Variants in ALDH2 observed in about 807,000 individuals in gnomAD.
ALDH2 encodes aldehyde dehydrogenase 2 family member, also known as aldehyde dehydrogenase, mitochondrial.
A neutral mutation model predicts 59.6 loss-of-function variants in ALDH2; 44 were observed. The ratio of observed to expected loss-of-function variants is 0.74; its 90% CI spans 0.58 to 0.95. The LOEUF is 0.95. Among genes scored for constraint, ALDH2 ranks in the 40% least tolerant of loss-of-function variants. The pLI, the probability that ALDH2 is intolerant of heterozygous loss-of-function variation, is 0.00. For synonymous variants in ALDH2, 291 were observed against 284.0 expected, an observed-to-expected ratio of 1.02 and a Z score of -0.25; for missense variants, 570 against 696.3, an observed-to-expected ratio of 0.82 and a Z score of 2.04.
intron 4 of ALDH2, among the ~76,000 whole-genome samples, chr12:111,786,085 A>C (rs918505826): frequency 3.9e-5 from 6 of 152,164 alleles, no homozygotes; most frequent in Non-Finnish European, 8.8e-5. Context: ...AAATGTTTTC[A>C]AAGAACCAAA....
chr12:111,777,930 C>T (rs964289189), intron 1 of ALDH2, among the ~76,000 whole-genome samples: 1 of 152,160 alleles, frequency 6.6e-6, no homozygotes. Context: ...TAATGTTTAC[C>T]CATGTTCTTC....
chr12:111,795,532 C>T (rs745467357), intron 9 of ALDH2, among the ~76,000 whole-genome samples: 3 of 151,718 alleles, frequency 2.0e-5, no homozygotes, highest in Non-Finnish European at 4.4e-5. Context: ...ATCCACCTGC[C>T]TCAGCCTCCC....
intron 2 of ALDH2, among the ~76,000 whole-genome samples, chr12:111,782,739 C>T (rs1267272943): frequency 6.6e-6 from 1 of 152,006 alleles, no homozygotes; most frequent in Non-Finnish European, 1.5e-5. Context: ...AGAAATTAGC[C>T]AGGTGTGGTG....
chr12:111,791,998 A>C, intron 7 of ALDH2, 63 bp from the exon 8 acceptor site: 1 of 1,021,068 alleles, frequency 9.8e-7, no homozygotes, highest in Non-Finnish European at 1.5e-6. Context: ...TTCTGTGTCT[A>C]TAGAGTGCTG....
At chr12:111,802,730 T>C (rs1325523636) in intron 11 of ALDH2, among the ~76,000 whole-genome samples, 2 of 125,616 alleles carry the variant, frequency 1.6e-5, no homozygotes. Context: ...AATACAAAAA[T>C]TTAGCCGGGT....
chr12:111,791,233 A>C, intron 6 of ALDH2, 73 bp from the exon 7 acceptor site: 1 of 1,125,794 alleles, frequency 8.9e-7, no homozygotes, highest in Non-Finnish European at 1.3e-6. Context: ...CTGAGAAAGG[A>C]TGTGTCTTCC....
At chr12:111,799,759 C>T in intron 10 of ALDH2, 147 bp from the exon 11 acceptor site, 2 of 977,110 alleles carry the variant, frequency 2.0e-6, no homozygotes, top group South Asian at 3.8e-5. Flanking sequence ...TTCTGCTGAG[C>T]TTGATGGCTG....
At position 111,774,374 on chromosome 12, in the gene ALDH2, G is replaced by T. The variant is rs1566181176; in HGVS notation, c.114+7278G>T. Among the ~76,000 whole-genome samples the T allele has an allele frequency of 3.9e-5, 6 of 152,306 alleles. No individual in the cohort carries two copies. In the South Asian group the frequency reaches 8.3e-4, roughly 21 times the overall value. Reference sequence around the variant, plus strand: ...CTGGAATCTTGTAATACAAGCAATGGCATCTGCTTTCCATCGGACATAATC... The same window carrying T: ...CTGGAATCTTGTAATACAAGCAATGTCATCTGCTTTCCATCGGACATAATC... On this transcript the variant is annotated intron_variant, in intron 1 of 12. Transcript: ENST00000261733.
At chr12:111,782,045 G>T (rs1053237775) in intron 2 of ALDH2, 23 bp downstream of exon 2, 2 of 1,568,342 alleles carry the variant, frequency 1.3e-6, no homozygotes, top group Non-Finnish European at 1.8e-6. Flanking sequence ...GACTTACCTT[G>T]GGGGAGGGAT....
chr12:111,785,138 G>A (rs910844304), intron 3 of ALDH2, 129 bp from the exon 4 acceptor site: 4 of 759,854 alleles, frequency 5.3e-6, no homozygotes, highest in Non-Finnish European at 7.2e-6. Context: ...GACATTTGGG[G>A]CACAAAGCGG....
At chr12:111,772,369 T>G (rs1290041866) in intron 1 of ALDH2, among the ~76,000 whole-genome samples, 1 of 152,072 alleles carries the variant, frequency 6.6e-6, no homozygotes, top group Non-Finnish European at 1.5e-5. Flanking sequence ...TCCTTTGTTT[T>G]TGTTTTTGTT....
At chr12:111,772,265 C>T (rs1484355780) in intron 1 of ALDH2, among the ~76,000 whole-genome samples, 1 of 152,184 alleles carries the variant, frequency 6.6e-6, no homozygotes, top group Admixed American at 6.5e-5. Context: ...CTGGGAGATT[C>T]TTACAGAATG....
intron 1 of ALDH2, among the ~76,000 whole-genome samples, chr12:111,769,080 T>G (rs2068179821): frequency 6.6e-6 from 1 of 152,234 alleles, no homozygotes; most frequent in Non-Finnish European, 1.5e-5. Flanking sequence ...ATGAGGCAGC[T>G]GGGTCCAGAT....
chr12:111,792,096 C>G lies in ALDH2; in HGVS notation c.831C>G (p.Ser277Arg). 1 of 1,610,956 alleles carries G rather than the reference C, an allele frequency of 6.2e-7. No homozygotes were observed. The highest frequency in any genetic ancestry group is 1.3e-5 in the African/African-American group (1 of 74,732). The change falls in exon 8 of 13, where the codon AGC becomes AGG. Residue 277 changes from serine (S) to arginine (R), a missense_variant. By Grantham distance (110) the Ser-to-Arg change is moderately radical (BLOSUM62 -1). Transcript: ENST00000261733. The stretch of plus-strand genomic sequence containing the variant: ...TAATCCAGGTTGCTGCTGGGAGCAG[C>G]AACCTCAAGAGAGTGACCTTGGAGC... ...GRVIQVAAGSSNLKRVTLELG... is the reference protein window; with the variant it reads ...GRVIQVAAGSRNLKRVTLELG...
chr12:111,769,691 C>T (rs904722698), intron 1 of ALDH2, among the ~76,000 whole-genome samples: 1 of 151,920 alleles, frequency 6.6e-6, no homozygotes, highest in Non-Finnish European at 1.5e-5. Flanking sequence ...TTAACCCTTT[C>T]CAAGGACCAC....
intron 4 of ALDH2, among the ~76,000 whole-genome samples, chr12:111,786,516 G>A (rs1028505994): frequency 4.0e-5 from 6 of 150,562 alleles, no homozygotes; most frequent in Non-Finnish European, 8.8e-5. Flanking sequence ...GATTAGAGGC[G>A]TGAGCCACCA....
chr12:111,767,133 G>T, intron 1 of ALDH2, 37 bp downstream of exon 1: 1 of 1,430,662 alleles, frequency 7.0e-7, no homozygotes, highest in Non-Finnish European at 9.2e-7. Context: ...TTGTTTTCCG[G>T]CCCGAGTCCC....
At chr12:111,774,962 G>A (rs1187065284) in intron 1 of ALDH2, among the ~76,000 whole-genome samples, 3 of 152,164 alleles carry the variant, frequency 2.0e-5, no homozygotes, top group Non-Finnish European at 4.4e-5. Flanking sequence ...TTGGAAAAAC[G>A]CATGTGAAAG....
chr12:111,783,479 C>A (rs558636382), intron 3 of ALDH2, among the ~76,000 whole-genome samples, 181 bp downstream of exon 3: 1 of 152,112 alleles, frequency 6.6e-6, no homozygotes, highest in Non-Finnish European at 1.5e-5. Context: ...ACCAGAGGAG[C>A]CTTTCAGTGT....
Sources: gnomAD v4.1 joint callset for allele counts (sites outside exome capture counted in the v4.1 genomes callset) on GRCh38, gnomAD v4.1.1 for gene constraint, MANE v1.5 for transcripts, NCBI Gene and HGNC (gene_info 2026-07-23, HGNC 2026-07-21) for gene names.